The following CPA5 variants were observed in gnomAD, a reference collection of about 807,000 sequenced individuals.
The protein encoded by CPA5 is testicular tissue protein Li 32.
Under a neutral mutation model 52.2 loss-of-function variants are expected in CPA5, and 38 were observed. That is an observed-to-expected ratio of 0.73 (90% CI 0.56 to 0.95). The LOEUF is 0.95. Ranked by LOEUF, CPA5 falls within the 40% of genes least tolerant of loss-of-function variation. The pLI is 0.00. For missense variants in CPA5, 519 were observed against 566.7 expected, an observed-to-expected ratio of 0.92 and a Z score of 0.86; for synonymous variants, 198 against 213.7, an observed-to-expected ratio of 0.93 and a Z score of 0.64.
At chr7:130,357,564 G>A (rs1030049951) in intron 5 of CPA5, among the ~76,000 whole-genome samples, 1 of 151,478 alleles carries the variant, frequency 6.6e-6, no homozygotes, top group South Asian at 2.1e-4. Flanking sequence ...CAGAGGTTGC[G>A]GTGAGGCGAG....
At chr7:130,369,380 C>T (rs1796264671), downstream of CPA5, among the ~76,000 whole-genome samples, 1 of 152,188 alleles carries the variant, frequency 6.6e-6, no homozygotes, top group Non-Finnish European at 1.5e-5. Context: ...TAAGAAGACT[C>T]CTTCCCCCAG....
downstream of CPA5, among the ~76,000 whole-genome samples, chr7:130,372,536 C>A (rs946077559): frequency 5.3e-5 from 8 of 152,196 alleles, no homozygotes; most frequent in Non-Finnish European, 1.2e-4. Context: ...CTATTTTGAC[C>A]TCTACTTTCA....
intron 5 of CPA5, among the ~76,000 whole-genome samples, chr7:130,354,471 G>T (rs1795358592): frequency 6.6e-6 from 1 of 152,094 alleles, no homozygotes; most frequent in Non-Finnish European, 1.5e-5. Flanking sequence ...TCGGCTCACT[G>T]CAGCCTCCAC....
At chr7:130,363,616 C>T (rs1289136988) in intron 10 of CPA5, 107 bp downstream of exon 10, 1 of 916,690 alleles carries the variant, frequency 1.1e-6, no homozygotes, top group Non-Finnish European at 1.7e-6. Flanking sequence ...AGGCATGGGA[C>T]AATGTAGTCA....
chr7:130,368,755 C>A (rs552339400), downstream of CPA5: 3 of 707,710 alleles, frequency 4.2e-6, no homozygotes, highest in East Asian at 8.1e-5. Context: ...TGTTGGCTAC[C>A]ACCCCTATGG....
intron 4 of CPA5, among the ~76,000 whole-genome samples, chr7:130,348,951 C>T (rs2117297683): frequency 6.6e-6 from 1 of 152,306 alleles, no homozygotes; most frequent in East Asian, 1.9e-4. Context: ...CCACACTCCC[C>T]TCCGCGAGTC....
At chr7:130,361,009 TTTAGACCCTCGAGGGTCTAAATACCCA>T (rs1295151743) in intron 6 of CPA5, 107 bp from the exon 7 acceptor site, 1 of 621,872 alleles carries the variant, frequency 1.6e-6, no homozygotes, top group Non-Finnish European at 2.9e-6. Flanking sequence ...TCTGGGTTCT[TTTAGACCCTCGAGGGTCTAAATACCCA>T]AAGCATTGAA....
intron 9 of CPA5, 90 bp from the exon 10 acceptor site, chr7:130,363,329 G>A (rs1043967933): frequency 1.5e-5 from 16 of 1,093,786 alleles, no homozygotes; most frequent in Admixed American, 8.9e-5. Context: ...CCCCACTAGG[G>A]TCCCCTACCC....
intron 8 of CPA5, 144 bp downstream of exon 8, chr7:130,362,683 C>G: frequency 1.5e-6 from 1 of 668,430 alleles, no homozygotes. Flanking sequence ...CCACCGTGCA[C>G]TCTTACCTTT....
intron 1 of CPA5, 172 bp downstream of exon 1, chr7:130,345,377 A>C (rs1411582458): frequency 6.6e-6 from 1 of 152,188 alleles, no homozygotes; most frequent in Non-Finnish European, 1.5e-5. Flanking sequence ...ACTTGGTTGG[A>C]TTCAGCTTCT....
intron 3 of CPA5, 122 bp from the exon 4 acceptor site, chr7:130,347,644 C>A: frequency 1.4e-6 from 1 of 734,150 alleles, no homozygotes; most frequent in South Asian, 1.7e-5. Context: ...TCATGCGGTG[C>A]CTCCTGGCCT....
chr7:130,351,038 C>T (rs782706105), intron 5 of CPA5, among the ~76,000 whole-genome samples: 4 of 152,224 alleles, frequency 2.6e-5, no homozygotes, highest in African/African-American at 7.2e-5. Context: ...CCTCCCGGAG[C>T]GCACACACTT....
chr7:130,363,641 G>A, intron 10 of CPA5, 132 bp downstream of exon 10: 1 of 740,690 alleles, frequency 1.4e-6, no homozygotes, highest in Admixed American at 2.2e-5. Context: ...ATATGCATGA[G>A]TCACGGCCAG....
intron 10 of CPA5, among the ~76,000 whole-genome samples, chr7:130,365,324 T>C (rs1796019683): frequency 6.6e-6 from 1 of 152,192 alleles, no homozygotes; most frequent in South Asian, 2.1e-4. Context: ...GATCCCAAGA[T>C]AGGCTGGCTA....
chr7:130,359,504 C>A, intron 5 of CPA5, 85 bp from the exon 6 acceptor site: 1 of 906,448 alleles, frequency 1.1e-6, no homozygotes, highest in Non-Finnish European at 1.7e-6. Context: ...TGTCTTTATG[C>A]ACAGCCAGTG....
Position 130,362,447 on chromosome 7 carries a change from G to T in CPA5, c.544G>T (p.Gly182Ter), listed in dbSNP as rs1795839879. 1.2e-6 allele frequency: 2 copies of T among 1,611,770 alleles called. No homozygotes were observed. The highest frequency in any genetic ancestry group is 2.7e-5 in the African/African-American group (2 of 74,898). The stretch of plus-strand genomic sequence containing the variant: ...CGATTCTTTTTCTCAGTTCAGCACT[G>T]GAGGTTCTCGGCACCCAGCCATCTG... ...QSILVLKFST[G>*]GSRHPAIWID... The change falls in exon 8 of 13, where the codon GGA becomes TGA. Residue 182 changes from glycine to a stop codon, truncating the protein, a stop_gained. Transcript: ENST00000474905. LOFTEE classifies it high-confidence loss of function.
chr7:130,369,615 GTGTGTGTGTT>G (rs1352224835), downstream of CPA5, among the ~76,000 whole-genome samples: 1 of 152,146 alleles, frequency 6.6e-6, no homozygotes, highest in Admixed American at 6.5e-5. Context: ...GAGCCAGGCT[GTGTGTGTGTT>G]TGTGTGTGTG....
rs547113002 is a variant in CPA5, at chr7:130,347,988, G to A, written c.198+141G>A. On this transcript the variant is annotated intron_variant, in intron 4 of 12. Coordinates refer to ENST00000474905, the MANE Select transcript of CPA5 (RefSeq NM_080385.5). ...AGCACAGACCTGTGGGAAATCACAC[G>A]TGGCTCCACTTCAGGAAAAATCAGG... 22 of 634,562 alleles carry A rather than the reference G, an allele frequency of 3.5e-5. 1 individual carries two copies. The highest frequency in any genetic ancestry group is 3.2e-4 in the East Asian group (11 of 34,084). 39.3% of individuals were successfully genotyped at this position (634,562 alleles called of 1,614,324 possible). A position where few individuals can be genotyped will look rare whatever the true frequency, so the allele number is the denominator to read the frequency against.
intron 5 of CPA5, among the ~76,000 whole-genome samples, chr7:130,355,560 C>T (rs1403409273): frequency 6.6e-6 from 1 of 152,172 alleles, no homozygotes; most frequent in African/African-American, 2.4e-5. Context: ...GCGCGCGCCA[C>T]CACGCCTGGC....
Sources: gnomAD v4.1 joint callset for allele counts (sites outside exome capture counted in the v4.1 genomes callset) on GRCh38, gnomAD v4.1.1 for gene constraint, MANE v1.5 for transcripts, NCBI Gene and HGNC (gene_info 2026-07-23, HGNC 2026-07-21) for gene names.